SLC6A15: variants seen among roughly 807,000 people sequenced by gnomAD.
SLC6A15 encodes the protein sodium-dependent neutral amino acid transporter B(0)AT2.
SLC6A15 carries 33 observed loss-of-function variants against 68.5 expected under a neutral mutation model. The observed-to-expected ratio is 0.48, with a 90% CI of 0.37 to 0.64. SLC6A15 has a LOEUF of 0.64. Among genes scored for constraint, SLC6A15 ranks in the 30% least tolerant of loss-of-function variants. The pLI is 0.00. For synonymous variants in SLC6A15, 347 were observed against 301.0 expected, an observed-to-expected ratio of 1.15 and a Z score of -1.58; for missense variants, 747 against 874.3, an observed-to-expected ratio of 0.85 and a Z score of 1.84.
chr12:84,899,273 T>C (rs971306390), intron 1 of SLC6A15, among the ~76,000 whole-genome samples: 1 of 152,152 alleles, frequency 6.6e-6, no homozygotes, highest in Non-Finnish European at 1.5e-5. Context: ...AACCTTACTT[T>C]TTGATGGAAG....
chr12:84,895,632 C>T (rs1872607731), intron 1 of SLC6A15, among the ~76,000 whole-genome samples: 1 of 152,028 alleles, frequency 6.6e-6, no homozygotes, highest in Non-Finnish European at 1.5e-5. Context: ...CAAGCGTGAG[C>T]CACCATGACC....
chr12:84,883,344 G>C, intron 5 of SLC6A15: 2 of 989,162 alleles, frequency 2.0e-6, no homozygotes, highest in African/African-American at 1.7e-5. Flanking sequence ...TGAATTCCTT[G>C]TTGGAATTAT....
At chr12:84,895,154 C>A (rs1872585154) in intron 1 of SLC6A15, among the ~76,000 whole-genome samples, 3 of 151,838 alleles carry the variant, frequency 2.0e-5, no homozygotes, top group South Asian at 2.1e-4. Flanking sequence ...TTAAAATATT[C>A]ACAATAACAT....
chr12:84,886,260 T>C (rs897109478), intron 2 of SLC6A15, among the ~76,000 whole-genome samples, 192 bp from the exon 3 acceptor site: 13 of 152,138 alleles, frequency 8.5e-5, no homozygotes, highest in African/African-American at 3.1e-4. Context: ...ACAAAGAGTT[T>C]CTGATAATAA....
At position 84,898,346 on chromosome 12, in the gene SLC6A15, A is replaced by C. The variant is rs141491315; in HGVS notation, c.-188-6038T>G. Among the ~76,000 whole-genome samples the C allele has an allele frequency of 1.4e-4, 21 of 152,334 alleles. No homozygotes were observed. In the East Asian group the frequency reaches 3.9e-3, roughly 28 times the overall value. On this transcript the variant is annotated intron_variant, in intron 1 of 11. Transcript: ENST00000266682. ...CAGAGTGAGATCTGTCTTAAAAAACAAACAAACAAACAAAAAACAACTTAT... is the reference window on the plus strand; with the variant it reads ...CAGAGTGAGATCTGTCTTAAAAAACCAACAAACAAACAAAAAACAACTTAT...
At chr12:84,882,218 A>G in intron 5 of SLC6A15, 1 of 985,366 alleles carries the variant, frequency 1.0e-6, no homozygotes, top group Non-Finnish European at 1.2e-6. Flanking sequence ...TTTCTACCAA[A>G]TGATATTATG....
rs769874506 is a variant in SLC6A15, at chr12:84,870,466, C to CA, written c.1495+11dup. ...GATTTGTTCAATGAAAAGTCAAATA[C>CA]AAAAAACTCACCAGTAAGAATTTCT... On this transcript the variant is annotated intron_variant, in intron 9 of 11. Transcript: ENST00000266682. 3 of 1,515,000 alleles carry CA rather than the reference C, an allele frequency of 2.0e-6. No individual in the cohort carries two copies. Among genetic ancestry groups the CA allele is most frequent in the South Asian group, 1.3e-5 (1 of 74,224 alleles). 93.8% of individuals were successfully genotyped at this position (1,515,000 alleles called of 1,614,324 possible).
chr12:84,881,742 C>T (rs1871830932), intron 5 of SLC6A15: 43 of 889,804 alleles, frequency 4.8e-5, no homozygotes, highest in Non-Finnish European at 5.8e-5. Context: ...GTACTTGTGA[C>T]ACTGTTTATT....
chr12:84,896,650 A>G (rs1318343954), intron 1 of SLC6A15, among the ~76,000 whole-genome samples: 1 of 152,236 alleles, frequency 6.6e-6, no homozygotes, highest in Non-Finnish European at 1.5e-5. Flanking sequence ...CGTAGTTCCA[A>G]ATAATGAAAA....
In SLC6A15 at chr12:84,861,408, C is replaced by T. The variant is rs1023426472; in HGVS notation, c.*224G>A. ...AAAAAAAATCCTGGCAAACATGTAC[C>T]TCAGCCCTCCTAAGATTTGTCTGCA... On this transcript the variant is annotated 3_prime_UTR_variant, in exon 12 of 12. Transcript: ENST00000266682. 10 of 425,360 alleles carry T rather than the reference C, an allele frequency of 2.4e-5. No individual in the cohort carries two copies. The East Asian group carries it at 2.4e-4, about 10-fold the overall frequency. The allele number at this position is 425,360 out of a possible 1,614,324, so 26.3% of individuals were successfully genotyped here.
At position 84,881,156 on chromosome 12, in the gene SLC6A15, T is replaced by A. The variant is rs74395514; in HGVS notation, c.756+2703A>T. The A allele has an allele frequency of 9.5e-3, 1,468 of 154,626 alleles. 9 individuals carry two copies. The highest frequency in any genetic ancestry group is 0.015 in the Non-Finnish European group (1,074 of 70,132). 9.6% of individuals were successfully genotyped at this position (154,626 alleles called of 1,614,324 possible). A position where few individuals can be genotyped will look rare whatever the true frequency, so the allele number is the denominator to read the frequency against. ...TAAAAGCAAGCTTGGGGCTTCTCAT[T>A]TCTGTCCTACATATTTGAGACAGTC... is the stretch of plus-strand genomic sequence containing the variant. On this transcript the variant is annotated intron_variant, in intron 5 of 11. Transcript: ENST00000266682.
At chr12:84,899,680 A>G (rs559229422) in intron 1 of SLC6A15, among the ~76,000 whole-genome samples, 7 of 152,284 alleles carry the variant, frequency 4.6e-5, no homozygotes, top group African/African-American at 1.7e-4. Context: ...AACTACTGCT[A>G]TATTTCCATT....
chr12:84,899,603 C>T (rs1362639718), intron 1 of SLC6A15, among the ~76,000 whole-genome samples: 2 of 152,058 alleles, frequency 1.3e-5, no homozygotes, highest in Admixed American at 6.6e-5. Flanking sequence ...TTTTCTTTGC[C>T]TCTTATCCAG....
At chr12:84,873,431 C>A (rs1871378003) in intron 6 of SLC6A15, 103 bp from the exon 7 acceptor site, 1 of 1,286,328 alleles carries the variant, frequency 7.8e-7, no homozygotes, top group East Asian at 2.4e-5. Flanking sequence ...GATATTTATG[C>A]ATCCAAAGTT....
Position 84,882,339 on chromosome 12 carries a change from T to A in SLC6A15, c.756+1520A>T, listed in dbSNP as rs890167944. 6.1e-6 allele frequency: 6 copies of A among 984,794 alleles called. No individual in the cohort carries two copies. The African/African-American group carries it at 1.0e-4, about 17-fold the overall frequency. The allele number at this position is 984,794 out of a possible 1,614,324, so 61.0% of individuals were successfully genotyped here. A position where few individuals can be genotyped will look rare whatever the true frequency, so the allele number is the denominator to read the frequency against. The stretch of plus-strand genomic sequence containing the variant: ...TGGAAGACATACACAATTGAACAAT[T>A]CGAAGTTATTTAGTCATATAATACA... On this transcript the variant is annotated intron_variant, in intron 5 of 11. Coordinates refer to ENST00000266682, the MANE Select transcript of SLC6A15 (RefSeq NM_182767.6).
Position 84,861,676 on chromosome 12 carries a change from A to C in SLC6A15, c.2149T>G (p.Leu717Val). The C allele has an allele frequency of 6.2e-7, 1 of 1,610,316 alleles. No homozygotes were observed. Among genetic ancestry groups the C allele is most frequent in the African/African-American group, 1.3e-5 (1 of 74,942 alleles). The change falls in exon 12 of 12, where the codon TTG (leucine) becomes GTG (valine). Residue 717 changes from leucine to valine, a missense_variant. Leu to Val is a conservative substitution (Grantham distance 32). Transcript: ENST00000266682. ...ATATCTGGCATAATATCTGCCATCA[A>C]GTACCCTATTCCATACCGTCCATTG... The part of the protein sequence containing the change: ...APNGRYGIGY[L>V]MADIMPDMPE...
intron 4 of SLC6A15, among the ~76,000 whole-genome samples, chr12:84,884,551 C>T (rs1050398859): frequency 1.4e-4 from 22 of 152,108 alleles, no homozygotes; most frequent in African/African-American, 5.3e-4. Context: ...GGGGCTCTAC[C>T]TGCCTCGACC....
intron 5 of SLC6A15, among the ~76,000 whole-genome samples, chr12:84,877,695 C>T (rs1871615999): frequency 6.6e-6 from 1 of 152,152 alleles, no homozygotes; most frequent in African/African-American, 2.4e-5. Context: ...TCTTCCCTGA[C>T]CACCCAAAAT....
intron 1 of SLC6A15, among the ~76,000 whole-genome samples, chr12:84,909,950 C>T (rs971822891): frequency 1.3e-5 from 2 of 152,146 alleles, no homozygotes; most frequent in African/African-American, 4.8e-5. Flanking sequence ...AAGGTAGTAA[C>T]TATGAATACG....
Sources: allele counts gnomAD v4.1 joint callset (sites outside exome capture counted in the v4.1 genomes callset), GRCh38; gene constraint gnomAD v4.1.1; transcripts MANE v1.5; gene names NCBI Gene and HGNC (gene_info 2026-07-23, HGNC 2026-07-21).